Variants in DENND4A observed in about 807,000 individuals in gnomAD.
DENND4A encodes C-myc promoter-binding protein.
In DENND4A, 70 loss-of-function variants were observed where a neutral mutation model predicts 199.3. The ratio of observed to expected loss-of-function variants is 0.35; its 90% CI spans 0.29 to 0.43. The LOEUF is 0.43. DENND4A is among the 20% of genes least tolerant of loss of function. The pLI, the probability that DENND4A is intolerant of heterozygous loss-of-function variation, is 1.00. For synonymous variants in DENND4A, 686 were observed against 766.9 expected, an observed-to-expected ratio of 0.89 and a Z score of 1.74; for missense variants, 1,723 against 2,255.8, an observed-to-expected ratio of 0.76 and a Z score of 4.78.
chr15:65,671,687 G>A, intron 25 of DENND4A, 105 bp downstream of exon 25: 1 of 833,634 alleles, frequency 1.2e-6, no homozygotes, highest in Non-Finnish European at 2.0e-6. Flanking sequence ...ACCGCGCCCA[G>A]CCTATGTATT....
intron 19 of DENND4A, 28 bp downstream of exon 19, chr15:65,701,023 G>T: frequency 1.3e-6 from 2 of 1,567,786 alleles, no homozygotes; most frequent in South Asian, 2.5e-5. Context: ...TAATTTTGAA[G>T]AACAAGTAAA....
At chr15:65,686,180 T>G (rs948516757) in intron 23 of DENND4A, among the ~76,000 whole-genome samples, 3 of 152,206 alleles carry the variant, frequency 2.0e-5, no homozygotes, top group Non-Finnish European at 4.4e-5. Context: ...TCCATTTATT[T>G]AAATCTCTTT....
Position 65,756,279 on chromosome 15 carries a change from C to T in DENND4A, c.172G>A (p.Glu58Lys), listed in dbSNP as rs2076699337. ...ATACAGATATAATCCTGTGGGACTT[C>T]CTCCCCAAGAGATTTGATAATAACT... is the stretch of plus-strand genomic sequence containing the variant. ...VSVIIKSLGE[E>K]VPQDYICIDV... Residue 58 changes from glutamate (E) to lysine (K), a missense_variant, in exon 3 of 33, where the codon GAA becomes AAA. Physicochemically the swap from Glu to Lys is moderately conservative, Grantham distance 56. This residue lies in a region of DENND4A where 725 missense variants were observed against 952.9 expected (regional missense o/e 0.76). Transcript: ENST00000443035. The T allele has an allele frequency of 6.2e-7, 1 of 1,613,194 alleles. No individual in the cohort carries two copies. The highest frequency in any genetic ancestry group is 8.5e-7 in the Non-Finnish European group (1 of 1,179,562).
chr15:65,767,299 A>G (rs1011305126), intron 1 of DENND4A: 4 of 152,166 alleles, frequency 2.6e-5, no homozygotes, highest in Admixed American at 6.5e-5. Context: ...TGTCTAACAT[A>G]CCATATGTCT....
At position 65,715,556 on chromosome 15, in the gene DENND4A, A is replaced by C; in HGVS notation, c.1875T>G (p.Phe625Leu). The change falls in exon 14 of 33, where the codon TTT (phenylalanine) becomes TTG (leucine). Residue 625 changes from phenylalanine (F) to leucine (L), a missense_variant. Transcript: ENST00000443035. ...FYNMMTKTQM[F>L]IRFIEECSFV... ...AAGAACATTCTTCAATGAAGCGAAT[A>C]AACATTTGTGTTTTGGTCATCATGT... The C allele has an allele frequency of 6.2e-7, 1 of 1,607,908 alleles. No individual in the cohort carries two copies. The highest frequency in any genetic ancestry group is 8.5e-7 in the Non-Finnish European group (1 of 1,177,556).
intron 20 of DENND4A, among the ~76,000 whole-genome samples, chr15:65,700,007 A>C (rs941967344): frequency 1.3e-5 from 2 of 151,984 alleles, no homozygotes; most frequent in African/African-American, 4.8e-5. Flanking sequence ...TATATTTAAA[A>C]TTTTTTATTA....
At chr15:65,787,600 A>G (rs1471678008) in intron 1 of DENND4A, among the ~76,000 whole-genome samples, 4 of 152,346 alleles carry the variant, frequency 2.6e-5, no homozygotes, top group Middle Eastern at 3.4e-3. Flanking sequence ...TCCCGAACCT[A>G]CAATCAAGTA....
chr15:65,750,261 T>G (rs1460975496), intron 4 of DENND4A, among the ~76,000 whole-genome samples: 1 of 152,158 alleles, frequency 6.6e-6, no homozygotes, highest in East Asian at 1.9e-4. Flanking sequence ...ATTTTCTCGC[T>G]TATAAGTGAG....
chr15:65,727,252 A>C (rs904915899), intron 11 of DENND4A, among the ~76,000 whole-genome samples: 2 of 151,672 alleles, frequency 1.3e-5, no homozygotes, highest in Non-Finnish European at 2.9e-5. Context: ...GGAGATCAAG[A>C]CCATCCTGGC....
chr15:65,693,580 T>A (rs544489503), intron 22 of DENND4A, among the ~76,000 whole-genome samples: 21 of 151,844 alleles, frequency 1.4e-4, no homozygotes, highest in African/African-American at 4.8e-4. Context: ...AGCCTTTTTA[T>A]ACATGCTTCC....
At chr15:65,672,247 G>C (rs2076240125) in intron 24 of DENND4A, among the ~76,000 whole-genome samples, 2 of 152,048 alleles carry the variant, frequency 1.3e-5, no homozygotes. Context: ...TTAGTTCCAA[G>C]GTCTAAAAAG....
At chr15:65,716,707 C>T (rs796579260) in intron 13 of DENND4A, among the ~76,000 whole-genome samples, 1 of 151,622 alleles carries the variant, frequency 6.6e-6, no homozygotes, top group Non-Finnish European at 1.5e-5. Context: ...AATAAACATA[C>T]GTGTGCATGT....
chr15:65,790,013 C>A (rs1344746457), intron 1 of DENND4A, among the ~76,000 whole-genome samples: 1 of 152,158 alleles, frequency 6.6e-6, no homozygotes, highest in East Asian at 1.9e-4. Context: ...ATTAGCCAAG[C>A]ACGGTGGTGC....
chr15:65,695,343 A>C (rs1471668780), intron 22 of DENND4A, among the ~76,000 whole-genome samples: 14 of 152,250 alleles, frequency 9.2e-5, no homozygotes. Context: ...CTGTGTTCCC[A>C]GAACTTTATG....
intron 28 of DENND4A, 74 bp downstream of exon 28, chr15:65,667,851 T>A (rs2076091471): frequency 6.6e-7 from 1 of 1,524,584 alleles, no homozygotes; most frequent in African/African-American, 1.4e-5. Context: ...CTAATAAGAC[T>A]ACTTAAGACA....
chr15:65,700,718 A>G (rs1244308255), intron 19 of DENND4A, 43 bp from the exon 20 acceptor site: 1 of 1,477,428 alleles, frequency 6.8e-7, no homozygotes, highest in Non-Finnish European at 9.0e-7. Flanking sequence ...TCGAAGAGGT[A>G]AATACACATT....
intron 14 of DENND4A, among the ~76,000 whole-genome samples, chr15:65,714,257 C>CA (rs1279941666): frequency 2.0e-5 from 3 of 151,506 alleles, no homozygotes; most frequent in Non-Finnish European, 2.9e-5. Flanking sequence ...TAAAAAAATA[C>CA]AAAAAAATAG....
intron 27 of DENND4A, among the ~76,000 whole-genome samples, chr15:65,668,836 A>G (rs185695201): frequency 2.6e-4 from 40 of 152,200 alleles, no homozygotes; most frequent in African/African-American, 9.6e-4. Flanking sequence ...AAAAAAAAGA[A>G]TCAGAGCTAG....
In DENND4A at chr15:65,743,838, G is replaced by A. The variant is rs940906814; in HGVS notation, c.562-2054C>T. ...CTAAAGAGGCAATGACAGCAGAGAA[G>A]AGTAAATGAAATACTGATGGGAGAT... is the stretch of plus-strand genomic sequence containing the variant. On this transcript the variant is annotated intron_variant, in intron 4 of 32. Coordinates refer to ENST00000443035, the MANE Select transcript of DENND4A (RefSeq NM_001320835.1). Among the ~76,000 whole-genome samples, 8 of 152,316 alleles carry A rather than the reference G, an allele frequency of 5.3e-5. No individual in the cohort carries two copies. The South Asian group carries it at 1.4e-3, about 28-fold the overall frequency.
Sources: allele counts gnomAD v4.1 joint callset (sites outside exome capture counted in the v4.1 genomes callset), GRCh38; gene constraint gnomAD v4.1.1; regional missense constraint gnomAD v4.1.1; transcripts MANE v1.5; gene names NCBI Gene and HGNC (gene_info 2026-07-23, HGNC 2026-07-21).